Variants in RNF166 observed in about 807,000 individuals in gnomAD.
The protein encoded by RNF166 is ring finger protein 166, also known as E3 ubiquitin-protein ligase RNF166.
RNF166 carries 19 observed loss-of-function variants against 29.4 expected under a neutral mutation model. The observed-to-expected ratio is 0.65, with a 90% CI of 0.45 to 0.95. The LOEUF is 0.95. Among genes scored for constraint, RNF166 ranks in the 40% least tolerant of loss-of-function variants. RNF166 has a pLI of 0.00. For missense variants in RNF166, 347 were observed against 322.1 expected, an observed-to-expected ratio of 1.08 and a Z score of -0.59; for synonymous variants, 171 against 134.5, an observed-to-expected ratio of 1.27 and a Z score of -1.88.
intron 4 of RNF166, 58 bp downstream of exon 4, chr16:88,698,913 T>G: frequency 7.6e-7 from 1 of 1,324,028 alleles, no homozygotes. Context: ...CTGGGCCTTG[T>G]ACTGTCCCCC....
chr16:88,701,171 A>G (rs1910183817), intron 2 of RNF166, 91 bp downstream of exon 2: 3 of 1,500,908 alleles, frequency 2.0e-6, no homozygotes, highest in Non-Finnish European at 2.8e-6. Flanking sequence ...GGAAAGAGAG[A>G]GGGCCCCGGC....
intron 2 of RNF166, 84 bp downstream of exon 2, chr16:88,701,153 ACTCAACAGGAAAGAGAGAGGGCCCC>A: frequency 7.1e-7 from 1 of 1,403,918 alleles, no homozygotes; most frequent in Non-Finnish European, 9.8e-7. Flanking sequence ...GACCGCGATT[ACTCAACAGGAAAGAGAGAGGGCCCC>A]GGCCCCCACC....
Position 88,697,611 on chromosome 16 carries a change from G to A in RNF166, c.671C>T (p.Ala224Val), listed in dbSNP as rs367841158. ...CAGGGCCAGAGCAGCCTGGAAGGCG[G>A]CCTCCTCGTCAATACTGTAGTCCTG... Reference protein sequence around the residue: ...TFVDYSIDEEAAFQAALALSL... With the variant: ...TFVDYSIDEEVAFQAALALSL... Residue 224 changes from alanine (A) to valine (V), a missense_variant, in exon 6 of 6, where the codon GCC becomes GTC. Physicochemically the swap from Ala to Val is moderately conservative, Grantham distance 64. Transcript: ENST00000312838. 39 of 1,551,986 alleles carry A rather than the reference G, an allele frequency of 2.5e-5. No individual in the cohort carries two copies. The highest frequency in any genetic ancestry group is 3.3e-5 in the Non-Finnish European group (38 of 1,147,712).
chr16:88,703,606 G>A, intron 1 of RNF166: 4 of 985,518 alleles, frequency 4.1e-6, no homozygotes, highest in South Asian at 9.4e-5. Flanking sequence ...CAGAGAGCCA[G>A]CAGCCGGGAG....
At chr16:88,702,261 T>A (rs73262612) in intron 1 of RNF166, among the ~76,000 whole-genome samples, 5,315 of 152,178 alleles carry the variant, frequency 0.035, 281 homozygotes, top group African/African-American at 0.12. Context: ...AGCTTAATAC[T>A]GGGGCAGCCA....
intron 1 of RNF166, chr16:88,701,681 G>A: frequency 2.2e-6 from 1 of 447,814 alleles, no homozygotes; most frequent in Non-Finnish European, 4.0e-6. Flanking sequence ...CGTCACTATG[G>A]CTGTCCCCGC....
At chr16:88,705,708 C>A (rs1161675148) in intron 1 of RNF166, among the ~76,000 whole-genome samples, 1 of 152,260 alleles carries the variant, frequency 6.6e-6, no homozygotes, top group South Asian at 2.1e-4. Flanking sequence ...TAGGGAACTC[C>A]TTTCCTCTGT....
intron 3 of RNF166, 80 bp downstream of exon 3, chr16:88,699,539 TG>T: frequency 1.8e-6 from 2 of 1,123,220 alleles, no homozygotes; most frequent in Non-Finnish European, 2.6e-6. Context: ...CCAGCCTCTC[TG>T]GGATGGGGCA....
At chr16:88,700,790 C>G in intron 2 of RNF166, 2 of 1,022,696 alleles carry the variant, frequency 2.0e-6, no homozygotes, top group Non-Finnish European at 1.2e-6. Flanking sequence ...TTACGCTGCT[C>G]TGATGTGGGT....
chr16:88,696,766 C>A lies in RNF166; in HGVS notation c.*802G>T. The A allele has an allele frequency of 2.6e-6, 1 of 380,344 alleles. No homozygotes were observed. Among genetic ancestry groups the A allele is most frequent in the Admixed American group, 4.0e-5 (1 of 24,794 alleles). 23.6% of individuals were successfully genotyped at this position (380,344 alleles called of 1,614,324 possible). On this transcript the variant is annotated 3_prime_UTR_variant, in exon 6 of 6. Coordinates refer to ENST00000312838, the MANE Select transcript of RNF166 (RefSeq NM_178841.4). ...CCGCCTCTGCTGGGAGCAGCCACAG[C>A]CTGTGGCTGGGGTGCTGGGATTTCT...
intron 1 of RNF166, among the ~76,000 whole-genome samples, chr16:88,701,928 T>C (rs1009879959): frequency 1.3e-5 from 2 of 152,202 alleles, no homozygotes. Context: ...GCTAGCCAAG[T>C]GGCAGCACAT....
At chr16:88,701,521 AG>A in intron 1 of RNF166, 103 bp from the exon 2 acceptor site, 2 of 1,144,318 alleles carry the variant, frequency 1.7e-6, no homozygotes, top group Non-Finnish European at 2.4e-6. Flanking sequence ...TGGGGTCCAC[AG>A]GGGCAGCTCC....
At chr16:88,702,461 C>T (rs1910346069) in intron 1 of RNF166, among the ~76,000 whole-genome samples, 1 of 152,224 alleles carries the variant, frequency 6.6e-6, no homozygotes, top group Non-Finnish European at 1.5e-5. Context: ...CCTGGGTTCA[C>T]AAACGACTCA....
intron 3 of RNF166, among the ~76,000 whole-genome samples, 177 bp downstream of exon 3, chr16:88,699,443 G>C (rs1909981688): frequency 1.3e-5 from 2 of 152,252 alleles, no homozygotes; most frequent in Non-Finnish European, 2.9e-5. Context: ...TGGTGGGTAT[G>C]CCAGGGAGGG....
rs367841158 is a variant in RNF166, at chr16:88,697,611, G to C, written c.671C>G (p.Ala224Gly). Residue 224 changes from alanine to glycine, a missense_variant, in exon 6 of 6, where the codon GCC becomes GGC. Ala to Gly is a moderately conservative substitution (Grantham distance 60). Transcript: ENST00000312838. The part of the protein sequence containing the change: ...TFVDYSIDEE[A>G]AFQAALALSL... ...CAGGGCCAGAGCAGCCTGGAAGGCG[G>C]CCTCCTCGTCAATACTGTAGTCCTG... The C allele has an allele frequency of 8.4e-5, 131 of 1,551,986 alleles. No individual in the cohort carries two copies. Among genetic ancestry groups the C allele is most frequent in the Non-Finnish European group, 1.1e-4 (123 of 1,147,712 alleles).
At position 88,700,803 on chromosome 16, in the gene RNF166, G is replaced by T. The variant is rs1015066554; in HGVS notation, c.312+459C>A. ...CCTTACGCTGCTCTGATGTGGGTGT[G>T]GCAGTGCCCATCAGCCCGGCTCTGG... On this transcript the variant is annotated intron_variant, in intron 2 of 5. Transcript: ENST00000312838. 4 of 1,043,574 alleles carry T rather than the reference G, an allele frequency of 3.8e-6. No individual in the cohort carries two copies. The South Asian group carries it at 8.6e-5, about 22-fold the overall frequency. The allele number at this position is 1,043,574 out of a possible 1,614,324, so 64.6% of individuals were successfully genotyped here.
intron 5 of RNF166, 115 bp from the exon 6 acceptor site, chr16:88,697,748 C>T: frequency 1.3e-6 from 1 of 747,344 alleles, no homozygotes; most frequent in Non-Finnish European, 2.3e-6. Context: ...CAGCAGGACA[C>T]AGGAAGGACC....
In RNF166 at chr16:88,706,335, A is replaced by G. The variant is rs940435083; in HGVS notation, c.-10T>C. The G allele has an allele frequency of 6.6e-6, 8 of 1,212,730 alleles. No homozygotes were observed. The highest frequency in any genetic ancestry group is 4.4e-5 in the Admixed American group (1 of 22,510). The allele number at this position is 1,212,730 out of a possible 1,614,324, so 75.1% of individuals were successfully genotyped here. A position where few individuals can be genotyped will look rare whatever the true frequency, so the allele number is the denominator to read the frequency against. On this transcript the variant is annotated 5_prime_UTR_variant, in exon 1 of 6. Coordinates refer to ENST00000312838, the MANE Select transcript of RNF166 (RefSeq NM_178841.4). ...TGCGGAACATAGCCATCCCGGGGCC[A>G]GGCCCGCGCCGCCCGCCGCCCGCTG...
At chr16:88,703,523 A>C in intron 1 of RNF166, 1 of 985,448 alleles carries the variant, frequency 1.0e-6, no homozygotes, top group Non-Finnish European at 1.2e-6. Flanking sequence ...CCCGAGGAGC[A>C]GGAGGCAGAA....
Sources: gnomAD v4.1 joint callset for allele counts (sites outside exome capture counted in the v4.1 genomes callset) on GRCh38, gnomAD v4.1.1 for gene constraint, MANE v1.5 for transcripts, NCBI Gene and HGNC (gene_info 2026-07-23, HGNC 2026-07-21) for gene names.